PCSK5: variants seen among roughly 807,000 people sequenced by gnomAD.
PCSK5 encodes proprotein convertase subtilisin/kexin type 5.
PCSK5 carries 129 observed loss-of-function variants against 233.2 expected under a neutral mutation model. The ratio of observed to expected loss-of-function variants is 0.55; its 90% CI spans 0.48 to 0.64. PCSK5 has a LOEUF of 0.64. Among genes scored for constraint, PCSK5 ranks in the 30% least tolerant of loss-of-function variants. The pLI is 0.00. For missense variants in PCSK5, 2,076 were observed against 2,430.1 expected (o/e 0.85, Z 3.06); for synonymous variants, 825 against 879.2 (o/e 0.94, Z 1.09).
rs148765811 is a variant in PCSK5 at position 76,184,101 on chromosome 9, T to G, written c.2198-572T>G. On this transcript the variant is annotated intron_variant, in intron 16 of 37. Coordinates refer to ENST00000674117, the MANE Select transcript of PCSK5 (RefSeq NM_001372043.1). ...TGAATTGTAATAACATTTATACCAA[T>G]TCCACTGCAGCTGTAAAGTGCAAGA... is the stretch of plus-strand genomic sequence containing the variant. Among the ~76,000 whole-genome samples, 64 of 152,362 alleles carry G rather than the reference T, an allele frequency of 4.2e-4. 1 individual carries two copies. In the East Asian group the frequency reaches 0.012, roughly 28 times the overall value.
intron 1 of PCSK5, among the ~76,000 whole-genome samples, chr9:75,900,788 T>A (rs1358072507): frequency 6.6e-6 from 1 of 151,808 alleles, no homozygotes; most frequent in Non-Finnish European, 1.5e-5. Context: ...TGTCCAAGTT[T>A]GGAAGATAAA....
At chr9:76,031,550 G>A (rs767510696) in intron 5 of PCSK5, among the ~76,000 whole-genome samples, 39 of 152,244 alleles carry the variant, frequency 2.6e-4, no homozygotes, top group Middle Eastern at 3.4e-3. Flanking sequence ...ATAGCCAGGT[G>A]TGGTGGCATG....
intron 8 of PCSK5, among the ~76,000 whole-genome samples, chr9:76,099,773 G>A (rs1831682654): frequency 6.6e-6 from 1 of 152,168 alleles, no homozygotes; most frequent in African/African-American, 2.4e-5. Flanking sequence ...AGTGGCATAT[G>A]TGATTGAGTG....
chr9:76,262,552 G>A (rs1439986907), intron 24 of PCSK5, among the ~76,000 whole-genome samples: 2 of 149,134 alleles, frequency 1.3e-5, no homozygotes, highest in Non-Finnish European at 3.0e-5. Context: ...AATAAATGGT[G>A]CTGGGAAAAC....
chr9:76,230,382 C>T (rs978489192), intron 21 of PCSK5, among the ~76,000 whole-genome samples: 1 of 152,356 alleles, frequency 6.6e-6, no homozygotes, highest in South Asian at 2.1e-4. Context: ...AAGACAGCCC[C>T]TTTCCTACAT....
At chr9:76,327,958 G>A in intron 32 of PCSK5, 51 bp from the exon 33 acceptor site, 1 of 1,178,746 alleles carries the variant, frequency 8.5e-7, no homozygotes. Flanking sequence ...ATTCCCACGA[G>A]GGCCACCCTG....
chr9:76,166,137 A>C (rs1457387067), intron 12 of PCSK5, among the ~76,000 whole-genome samples: 1 of 152,202 alleles, frequency 6.6e-6, no homozygotes. Context: ...GTGATACAAC[A>C]ACCATTGGTG....
At chr9:76,293,847 T>C (rs1828352090) in intron 25 of PCSK5, among the ~76,000 whole-genome samples, 1 of 152,182 alleles carries the variant, frequency 6.6e-6, no homozygotes. Context: ...GAAACAAACA[T>C]ATATAATCTT....
chr9:76,042,301 C>T (rs1428399867), intron 5 of PCSK5, among the ~76,000 whole-genome samples: 4 of 152,184 alleles, frequency 2.6e-5, no homozygotes, highest in Admixed American at 1.3e-4. Flanking sequence ...TGTGTAAAAG[C>T]GTACTAACTG....
At chr9:76,122,274 C>A (rs1832671725) in intron 9 of PCSK5, among the ~76,000 whole-genome samples, 2 of 150,874 alleles carry the variant, frequency 1.3e-5, no homozygotes, top group Non-Finnish European at 3.0e-5. Flanking sequence ...TTTAAAATTT[C>A]TTTCCTGTTT....
At chr9:76,219,198 G>A (rs537698720) in intron 20 of PCSK5, among the ~76,000 whole-genome samples, 28 of 152,278 alleles carry the variant, frequency 1.8e-4, no homozygotes, top group Middle Eastern at 3.4e-3. Flanking sequence ...AGCACTTGAA[G>A]TCAGGGCGTA....
At chr9:76,233,694 G>A in intron 22 of PCSK5, 98 bp downstream of exon 22, 2 of 1,096,378 alleles carry the variant, frequency 1.8e-6, no homozygotes, top group Non-Finnish European at 2.7e-6. Flanking sequence ...GTCTGGGGCT[G>A]AGGGTTAAGA....
upstream of PCSK5, among the ~76,000 whole-genome samples, chr9:75,889,902 A>C (rs991868041): frequency 6.6e-6 from 1 of 152,210 alleles, no homozygotes; most frequent in Admixed American, 6.5e-5. Context: ...CTGTTACAGG[A>C]CTGTGCTTGG....
At chr9:76,076,505 A>C (rs962111493) in intron 7 of PCSK5, among the ~76,000 whole-genome samples, 1 of 152,218 alleles carries the variant, frequency 6.6e-6, no homozygotes, top group African/African-American at 2.4e-5. Flanking sequence ...CATCAAGACC[A>C]TCAAAGAGAT....
intron 14 of PCSK5, among the ~76,000 whole-genome samples, chr9:76,176,458 A>G (rs1279119855): frequency 6.6e-6 from 1 of 152,176 alleles, no homozygotes; most frequent in Non-Finnish European, 1.5e-5. Flanking sequence ...TTTCCATAGC[A>G]ATTATTGCCT....
At chr9:76,356,673 C>A (rs1313330907) in intron 37 of PCSK5, among the ~76,000 whole-genome samples, 1 of 152,034 alleles carries the variant, frequency 6.6e-6, no homozygotes, top group Admixed American at 6.6e-5. Flanking sequence ...TAGGTAAAAT[C>A]CCATGAGAAT....
intron 14 of PCSK5, among the ~76,000 whole-genome samples, chr9:76,178,463 T>C (rs1823713388): frequency 6.6e-6 from 1 of 152,234 alleles, no homozygotes; most frequent in South Asian, 2.1e-4. Context: ...GGCAAGCCAC[T>C]GAAATTCTTG....
intron 1 of PCSK5, among the ~76,000 whole-genome samples, chr9:75,910,383 G>C (rs1340113694): frequency 1.3e-5 from 2 of 152,214 alleles, no homozygotes; most frequent in Non-Finnish European, 2.9e-5. Context: ...TTTCCAATGT[G>C]TGTATGTGAT....
intron 2 of PCSK5, among the ~76,000 whole-genome samples, chr9:75,966,187 G>T (rs1825578386): frequency 6.6e-6 from 1 of 152,060 alleles, no homozygotes; most frequent in Non-Finnish European, 1.5e-5. Flanking sequence ...CTGAGGCAGG[G>T]CTAGAAAGGG....
Sources: allele counts gnomAD v4.1 joint callset (sites outside exome capture counted in the v4.1 genomes callset), GRCh38; gene constraint gnomAD v4.1.1; transcripts MANE v1.5; gene names NCBI Gene and HGNC (gene_info 2026-07-23, HGNC 2026-07-21).